The following GRIA2 variants were observed in gnomAD, a reference collection of about 807,000 sequenced individuals.
GRIA2 encodes glutamate receptor 2.
Under a neutral mutation model 97.3 loss-of-function variants are expected in GRIA2, and 14 were observed. The observed-to-expected ratio is 0.14, with a 90% CI of 0.10 to 0.23. GRIA2 has a LOEUF of 0.23. GRIA2 is among the 10% of genes least tolerant of loss of function. GRIA2 has a pLI of 1.00. For missense variants in GRIA2, 558 were observed against 1,069.8 expected (o/e 0.52, Z 6.67); for synonymous variants, 412 against 387.8 (o/e 1.06, Z -0.73).
chr4:157,258,215 G>A (rs1012442161), intron 2 of GRIA2, among the ~76,000 whole-genome samples: 18 of 152,094 alleles, frequency 1.2e-4, no homozygotes, highest in African/African-American at 4.3e-4. Flanking sequence ...AGGTCTGGCT[G>A]CCTGAGAGCC....
chr4:157,276,776 G>T (rs1200751886), intron 2 of GRIA2, among the ~76,000 whole-genome samples: 1 of 151,668 alleles, frequency 6.6e-6, no homozygotes, highest in African/African-American at 2.4e-5. Flanking sequence ...CTGCATCCAC[G>T]AATTTGACAT....
At chr4:157,250,333 T>C (rs7693040) in intron 2 of GRIA2, among the ~76,000 whole-genome samples, 2 of 152,154 alleles carry the variant, frequency 1.3e-5, no homozygotes, top group Admixed American at 1.3e-4. Flanking sequence ...AGGAGACTAA[T>C]GCCATAGGAA....
intron 2 of GRIA2, among the ~76,000 whole-genome samples, chr4:157,228,645 TA>T (rs924541763): frequency 1.4e-4 from 22 of 151,872 alleles, no homozygotes; most frequent in African/African-American, 5.3e-4. Context: ...GTACAAGAAG[TA>T]GCCAGGCGTG....
Position 157,332,768 on chromosome 4 carries a change from G to C in GRIA2, c.883-51G>C, listed in dbSNP as rs1320484171. On this transcript the variant is annotated intron_variant, in intron 6 of 15. Coordinates refer to ENST00000264426, the MANE Select transcript of GRIA2 (RefSeq NM_001083619.3). The stretch of plus-strand genomic sequence containing the variant: ...GCAGTCTTGATTGCTGGGGTGCAGT[G>C]AGTTTCTGAATTTTCTCCCGTTCTT... 2.1e-6 allele frequency: 3 copies of C among 1,410,472 alleles called. No homozygotes were observed. In the East Asian group the frequency reaches 6.9e-5, roughly 33 times the overall value. 87.4% of individuals were successfully genotyped at this position (1,410,472 alleles called of 1,614,324 possible).
chr4:157,264,315 A>G (rs1731673521), intron 2 of GRIA2, among the ~76,000 whole-genome samples: 1 of 152,092 alleles, frequency 6.6e-6, no homozygotes, highest in African/African-American at 2.4e-5. Context: ...TGGAGTCTCT[A>G]GGGGATAATT....
At chr4:157,230,388 A>T (rs1209492638) in intron 2 of GRIA2, among the ~76,000 whole-genome samples, 2 of 152,212 alleles carry the variant, frequency 1.3e-5, no homozygotes, top group African/African-American at 4.8e-5. Flanking sequence ...TATATTTCTT[A>T]AAAGTGATGG....
Position 157,312,779 on chromosome 4 carries a change from G to A in GRIA2, c.570G>A (p.Glu190=). Residue 190 remains glutamate (E), a synonymous_variant, in exon 4 of 16, where the codon GAG becomes GAA. Coordinates refer to ENST00000264426, the MANE Select transcript of GRIA2 (RefSeq NM_001083619.3). ...VGNINNDKKD[E]MYRSLFQDLE... Reference sequence around the variant, plus strand: ...ACATTAACAATGACAAGAAAGATGAGATGTACCGATCACTTTTTCAAGATC... The same window carrying A: ...ACATTAACAATGACAAGAAAGATGAAATGTACCGATCACTTTTTCAAGATC... 1.2e-6 allele frequency: 2 copies of A among 1,609,418 alleles called. No individual in the cohort carries two copies. The highest frequency in any genetic ancestry group is 8.5e-7 in the Non-Finnish European group (1 of 1,176,148).
intron 2 of GRIA2, among the ~76,000 whole-genome samples, chr4:157,293,705 C>G (rs1733207488): frequency 6.6e-6 from 1 of 151,972 alleles, no homozygotes; most frequent in Non-Finnish European, 1.5e-5. Flanking sequence ...GGGCCAAAAA[C>G]AAAATAAGCT....
chr4:157,317,649 G>C lies in GRIA2; in HGVS notation c.667-9G>C. On this transcript the variant is annotated splice_polypyrimidine_tract_variant and intron_variant, in intron 4 of 15. Transcript: ENST00000264426. Reference sequence around the variant, plus strand: ...ATTAATTAAATAATTACTTATTTGTGCTTATTAGGTTATTACCATTGGAAA... The same window carrying C: ...ATTAATTAAATAATTACTTATTTGTCCTTATTAGGTTATTACCATTGGAAA... 2 of 1,000,296 alleles carry C rather than the reference G, an allele frequency of 2.0e-6. No individual in the cohort carries two copies. The highest frequency in any genetic ancestry group is 2.5e-5 in the East Asian group (1 of 40,256). The allele number at this position is 1,000,296 out of a possible 1,614,324, so 62.0% of individuals were successfully genotyped here.
In GRIA2 at chr4:157,220,738, G is replaced by A. The variant is rs575850260; in HGVS notation, c.-305G>A. 2.0e-5 allele frequency: 9 copies of A among 445,452 alleles called. No homozygotes were observed. Among genetic ancestry groups the A allele is most frequent in the Non-Finnish European group, 3.7e-5 (9 of 243,874 alleles). The allele number at this position is 445,452 out of a possible 1,614,324, so 27.6% of individuals were successfully genotyped here. A position where few individuals can be genotyped will look rare whatever the true frequency, so the allele number is the denominator to read the frequency against. ...AGCGCGAGAGAGGGTGAGTGTGTGT[G>A]AGTGCATGGGAGGGTGCTGAATATT... On this transcript the variant is annotated 5_prime_UTR_variant, in exon 1 of 16. Coordinates refer to ENST00000264426, the MANE Select transcript of GRIA2 (RefSeq NM_001083619.3).
At chr4:157,246,346 A>T (rs1484594012) in intron 2 of GRIA2, among the ~76,000 whole-genome samples, 1 of 152,068 alleles carries the variant, frequency 6.6e-6, no homozygotes, top group African/African-American at 2.4e-5. Context: ...ATAACATTTT[A>T]TATATAGAAA....
intron 12 of GRIA2, among the ~76,000 whole-genome samples, chr4:157,355,211 G>T (rs1447493119): frequency 1.3e-5 from 2 of 152,080 alleles, no homozygotes; most frequent in Non-Finnish European, 2.9e-5. Flanking sequence ...GATTGTATTT[G>T]ATTTAACATG....
intron 2 of GRIA2, among the ~76,000 whole-genome samples, chr4:157,272,722 A>G (rs1732090315): frequency 6.6e-6 from 1 of 152,044 alleles, no homozygotes; most frequent in South Asian, 2.1e-4. Flanking sequence ...AAGAGAAACT[A>G]CTTCACCAAA....
chr4:157,264,328 T>G (rs917872223), intron 2 of GRIA2, among the ~76,000 whole-genome samples: 2 of 152,112 alleles, frequency 1.3e-5, no homozygotes, highest in Non-Finnish European at 2.9e-5. Context: ...GGATAATTCA[T>G]TTCCTTGCCT....
At chr4:157,337,965 C>T (rs1214097979) in intron 11 of GRIA2, among the ~76,000 whole-genome samples, 2 of 138,062 alleles carry the variant, frequency 1.4e-5, no homozygotes, top group African/African-American at 5.4e-5. Flanking sequence ...AGAAATATGC[C>T]AATGGAATTT....
intron 4 of GRIA2, 131 bp downstream of exon 4, chr4:157,313,006 AG>A: frequency 2.0e-6 from 1 of 494,376 alleles, no homozygotes; most frequent in Non-Finnish European, 3.6e-6. Flanking sequence ...GATGCAGCAA[AG>A]ATCATCAATT....
intron 13 of GRIA2, 172 bp from the exon 14 acceptor site, chr4:157,360,838 A>G: frequency 1.5e-6 from 1 of 667,310 alleles, no homozygotes; most frequent in Middle Eastern, 2.5e-4. Flanking sequence ...CCTTACCCAA[A>G]GTTTCAGATT....
chr4:157,328,525 T>G (rs926169591), intron 6 of GRIA2, among the ~76,000 whole-genome samples: 1 of 152,022 alleles, frequency 6.6e-6, no homozygotes, highest in African/African-American at 2.4e-5. Flanking sequence ...TGTTATAAGA[T>G]TTCTAGGAAG....
chr4:157,335,907 C>T (rs769156626), intron 10 of GRIA2, 30 bp downstream of exon 10: 17 of 1,392,694 alleles, frequency 1.2e-5, no homozygotes, highest in Middle Eastern at 3.5e-4. Flanking sequence ...TAGATAAAGT[C>T]ATTCAATTTG....
Sources: allele counts gnomAD v4.1 joint callset (sites outside exome capture counted in the v4.1 genomes callset), GRCh38; gene constraint gnomAD v4.1.1; transcripts MANE v1.5; gene names NCBI Gene and HGNC (gene_info 2026-07-23, HGNC 2026-07-21).